The following DNAH3 variants were observed in gnomAD, a reference collection of about 807,000 sequenced individuals.
The protein encoded by DNAH3 is dynein axonemal heavy chain 3.
A neutral mutation model predicts 432.5 loss-of-function variants in DNAH3; 332 were observed. The ratio of observed to expected loss-of-function variants is 0.77; its 90% confidence interval spans 0.70 to 0.84. The LOEUF is 0.84. DNAH3 is among the 40% of genes least tolerant of loss of function. The pLI is 0.00. For missense variants in DNAH3, 4,861 were observed against 5,114.0 expected (o/e 0.95, Z 1.51); for synonymous variants, 1,956 against 1,900.2 (o/e 1.03, Z -0.76).
intron 41 of DNAH3, among the ~76,000 whole-genome samples, chr16:21,012,562 C>T (rs1248335980): frequency 6.6e-6 from 1 of 152,084 alleles, no homozygotes; most frequent in Non-Finnish European, 1.5e-5. Context: ...ATACTTCAAC[C>T]ACCCCTGCCA....
Position 20,997,328 on chromosome 16 carries a change from C to T in DNAH3, c.6556G>A (p.Val2186Met), listed in dbSNP as rs766114089. ...CCCCCGGGGGGCCCCATGGCTGTCACGAGCAGCATGTCCACGATGTCCAGC... is the reference window on the plus strand; with the variant it reads ...CCCCCGGGGGGCCCCATGGCTGTCATGAGCAGCATGTCCACGATGTCCAGC... Residue 2186 changes from valine (V) to methionine (M), a missense_variant, in exon 44 of 62, where the codon GTG (valine) becomes ATG (methionine). By Grantham distance (21) the Val-to-Met change is conservative. Transcript: ENST00000261383. 1.3e-4 allele frequency: 204 copies of T among 1,614,024 alleles called. No individual in the cohort carries two copies. In the Admixed American group the frequency reaches 2.9e-3, roughly 23 times the overall value.
At chr16:21,017,457 A>G (rs1418993528) in intron 41 of DNAH3, among the ~76,000 whole-genome samples, 2 of 152,170 alleles carry the variant, frequency 1.3e-5, no homozygotes, top group Admixed American at 1.3e-4. Context: ...AAAACTCAAA[A>G]GAATGCAACC....
intron 7 of DNAH3, among the ~76,000 whole-genome samples, chr16:21,131,706 T>A (rs972833026): frequency 1.3e-5 from 2 of 151,232 alleles, no homozygotes; most frequent in Non-Finnish European, 2.9e-5. Flanking sequence ...AAAAAAAAAT[T>A]AGCCAGGCAT....
intron 51 of DNAH3, among the ~76,000 whole-genome samples, chr16:20,972,971 C>A (rs1371226168): frequency 6.6e-6 from 1 of 152,024 alleles, no homozygotes; most frequent in Non-Finnish European, 1.5e-5. Context: ...TAAAGTGATG[C>A]ACCTGCCTCA....
chr16:21,071,125 G>A (rs1205792341), intron 21 of DNAH3, among the ~76,000 whole-genome samples: 6 of 151,438 alleles, frequency 4.0e-5, no homozygotes, highest in African/African-American at 7.3e-5. Context: ...TCACTGCAAC[G>A]TCCACCTCCC....
At chr16:21,138,349 T>C (rs2092672198) in intron 5 of DNAH3, among the ~76,000 whole-genome samples, 1 of 152,164 alleles carries the variant, frequency 6.6e-6, no homozygotes, top group Non-Finnish European at 1.5e-5. Flanking sequence ...AGGGGAGTAT[T>C]GCAAAGCTTT....
intron 1 of DNAH3, among the ~76,000 whole-genome samples, chr16:21,152,728 G>C (rs1046451334): frequency 1.3e-5 from 2 of 152,256 alleles, no homozygotes; most frequent in African/African-American, 4.8e-5. Context: ...GCAATGAGGG[G>C]CTTAGCACCC....
chr16:21,051,018 GAAT>G (rs2089932548), intron 29 of DNAH3, among the ~76,000 whole-genome samples: 1 of 151,994 alleles, frequency 6.6e-6, no homozygotes, highest in African/African-American at 2.4e-5. Context: ...AATGGTTGTT[GAAT>G]AATAAGTGGA....
intron 19 of DNAH3, among the ~76,000 whole-genome samples, chr16:21,085,107 T>C (rs2091320209): frequency 6.6e-6 from 1 of 151,802 alleles, no homozygotes; most frequent in Non-Finnish European, 1.5e-5. Flanking sequence ...GGCCAGGCAC[T>C]GTGGCTCACG....
chr16:21,116,735 CAG>C (rs1455815514), intron 12 of DNAH3, among the ~76,000 whole-genome samples: 1 of 152,176 alleles, frequency 6.6e-6, no homozygotes, highest in East Asian at 1.9e-4. Flanking sequence ...GTTCTGAAAA[CAG>C]ACAGTTGCCT....
intron 17 of DNAH3, 51 bp from the exon 18 acceptor site, chr16:21,097,550 C>T: frequency 1.2e-6 from 2 of 1,603,860 alleles, no homozygotes; most frequent in Non-Finnish European, 1.7e-6. Flanking sequence ...TCTCCTAAGC[C>T]CTCGAAGACA....
chr16:20,946,291 C>A (rs2152571826), intron 57 of DNAH3, among the ~76,000 whole-genome samples: 1 of 152,358 alleles, frequency 6.6e-6, no homozygotes. Context: ...ATAACTCTTT[C>A]AACCAATTGC....
rs1439310245 is a variant in DNAH3, at chr16:21,067,661, A to G, written c.3382-242T>C. ...CCAAACCCAATTATATTTTAACCCA[A>G]GGAGTTTAGAATCCAAACCATGACA... On this transcript the variant is annotated intron_variant, in intron 23 of 61. Coordinates refer to ENST00000261383, the Ensembl canonical transcript of DNAH3. 2.0e-5 allele frequency among the ~76,000 whole-genome samples: 3 copies of G among 150,896 alleles called. No individual in the cohort carries two copies. In the East Asian group the frequency reaches 5.9e-4, roughly 30 times the overall value.
chr16:20,982,062 C>T (rs906542653), intron 49 of DNAH3, among the ~76,000 whole-genome samples: 11 of 149,368 alleles, frequency 7.4e-5, no homozygotes, highest in Middle Eastern at 3.6e-3. Flanking sequence ...GTGCTTTATA[C>T]ATAAAAGAGT....
chr16:21,037,810 A>T (rs1567679075), exon 34 of DNAH3: 1 of 1,614,206 alleles, frequency 6.2e-7, no homozygotes, highest in East Asian at 2.2e-5. Context: ...ATTGACATCA[A>T]GCAATGCCCG....
At chr16:21,130,289 C>T (rs1026809735) in intron 7 of DNAH3, among the ~76,000 whole-genome samples, 2 of 149,142 alleles carry the variant, frequency 1.3e-5, no homozygotes, top group Non-Finnish European at 3.0e-5. Flanking sequence ...AAAAAGCTCT[C>T]ATCAAGCCCT....
chr16:21,110,207 C>T (rs1211084302), intron 14 of DNAH3, among the ~76,000 whole-genome samples: 1 of 152,172 alleles, frequency 6.6e-6, no homozygotes, highest in East Asian at 1.9e-4. Context: ...TGTAACAACA[C>T]CTATGTATTA....
chr16:20,961,730 T>G (rs1358061385), intron 53 of DNAH3, among the ~76,000 whole-genome samples: 3 of 149,966 alleles, frequency 2.0e-5, no homozygotes, highest in African/African-American at 7.3e-5. Flanking sequence ...AAACTTTCTT[T>G]AAGAATTGTG....
chr16:21,150,669 T>A (rs946059097), intron 1 of DNAH3, 82 bp downstream of exon 1: 3 of 184,130 alleles, frequency 1.6e-5, no homozygotes, highest in African/African-American at 7.1e-5. Context: ...CTCTTGGAAA[T>A]TTTCCAGAAA....
Sources: gnomAD v4.1 joint callset for allele counts (sites outside exome capture counted in the v4.1 genomes callset) on GRCh38, gnomAD v4.1.1 for gene constraint, MANE v1.5 for transcripts, NCBI Gene and HGNC (gene_info 2026-07-23, HGNC 2026-07-21) for gene names.